Variants in TMX1 observed in about 807,000 individuals in gnomAD.
The protein encoded by TMX1 is thioredoxin related transmembrane protein 1.
Under a neutral mutation model 36.6 loss-of-function variants are expected in TMX1, and 25 were observed. That is an observed-to-expected ratio of 0.68 (90% CI 0.50 to 0.95). The LOEUF is 0.95. Among genes scored for constraint, TMX1 ranks in the 40% least tolerant of loss-of-function variants. The pLI, the probability that TMX1 is intolerant of heterozygous loss-of-function variation, is 0.00. For synonymous variants in TMX1, 133 were observed against 118.0 expected (o/e 1.13, Z -0.82); for missense variants, 347 against 339.6 (o/e 1.02, Z -0.17).
At chr14:51,242,473 A>G (rs908649347) in intron 1 of TMX1, among the ~76,000 whole-genome samples, 2 of 152,246 alleles carry the variant, frequency 1.3e-5, no homozygotes, top group Admixed American at 6.5e-5. Flanking sequence ...AACATTGAGT[A>G]TGAGGTAAAT....
chr14:51,245,616 C>T (rs766246595), intron 3 of TMX1: 125 of 778,388 alleles, frequency 1.6e-4, no homozygotes, highest in South Asian at 3.5e-5. Context: ...TGATCCTGTT[C>T]AGCGTGTTAA....
rs555524940 is a variant in TMX1, at chr14:51,248,208, A to G, written c.443+988A>G. ...ATGCTTTCTGCTTTGCTGTTGGAGT[A>G]CAAGGCCTCACTGGTCATGTGAGAG... On this transcript the variant is annotated intron_variant, in intron 4 of 7. Coordinates refer to ENST00000457354, the MANE Select transcript of TMX1 (RefSeq NM_030755.5). Among the ~76,000 whole-genome samples the G allele has an allele frequency of 9.8e-5, 15 of 152,332 alleles. No individual in the cohort carries two copies. In the South Asian group the frequency reaches 2.7e-3, roughly 27 times the overall value.
Position 51,240,297 on chromosome 14 carries a change from C to G in TMX1, c.5C>G (p.Ala2Gly). Reference protein sequence around the residue: MAPSGSLAVPLA... With the variant: MGPSGSLAVPLA... Reference sequence around the variant, plus strand: ...GTGAGGTGGGCAAGCGGCGAAATGGCGCCCTCCGGGAGTCTTGCAGTTCCC... The same window carrying G: ...GTGAGGTGGGCAAGCGGCGAAATGGGGCCCTCCGGGAGTCTTGCAGTTCCC... Residue 2 changes from alanine (A) to glycine (G), a missense_variant, in exon 1 of 8, where the codon GCG becomes GGG. Coordinates refer to ENST00000457354, the MANE Select transcript of TMX1 (RefSeq NM_030755.5). 6.2e-7 allele frequency: 1 copy of G among 1,610,240 alleles called. No homozygotes were observed. The highest frequency in any genetic ancestry group is 8.5e-7 in the Non-Finnish European group (1 of 1,179,458).
intron 4 of TMX1, among the ~76,000 whole-genome samples, chr14:51,248,003 A>G (rs1417593957): frequency 6.6e-6 from 1 of 152,256 alleles, no homozygotes; most frequent in Non-Finnish European, 1.5e-5. Flanking sequence ...CTTGATGTCA[A>G]GCGACTGAAT....
At position 51,254,495 on chromosome 14, in the gene TMX1, A is replaced by C. The variant is rs1415885766; in HGVS notation, c.819A>C (p.Pro273=). The change falls in exon 8 of 8, where the codon CCA becomes CCC. Residue 273 remains proline, a synonymous_variant. Transcript: ENST00000457354. ...QNAIRQRSLG[P]SLATDKS ...CCATAAGACAACGCTCTCTGGGTCC[A>C]TCATTGGCCACAGATAAATCCTAGT... is the stretch of plus-strand genomic sequence containing the variant. 1 of 1,600,674 alleles carries C rather than the reference A, an allele frequency of 6.2e-7. No homozygotes were observed. The highest frequency in any genetic ancestry group is 8.5e-7 in the Non-Finnish European group (1 of 1,176,764).
At chr14:51,253,512 C>T (rs1389018938) in intron 7 of TMX1, among the ~76,000 whole-genome samples, 1 of 152,198 alleles carries the variant, frequency 6.6e-6, no homozygotes, top group Admixed American at 6.5e-5. Context: ...CGGGTGTCCC[C>T]TCCCTGGCCC....
At chr14:51,247,003 A>G in intron 3 of TMX1, 89 bp from the exon 4 acceptor site, 1 of 1,187,584 alleles carries the variant, frequency 8.4e-7, no homozygotes. Context: ...GAATGTTAGA[A>G]TTGACTGTAA....
rs766998157 is a variant in TMX1, at chr14:51,249,756, T to C, written c.655T>C (p.Tyr219His). Residue 219 changes from tyrosine to histidine, a missense_variant, in exon 7 of 8, where the codon TAC (tyrosine) becomes CAC (histidine). Coordinates refer to ENST00000457354, the MANE Select transcript of TMX1 (RefSeq NM_030755.5). ...AAGGCGCAGACCACAGCCGTACCCA[T>C]ACCCTTCAAGTAAGTATATTTTAAA... Reference protein sequence around the residue: ...SKRRRPQPYPYPSKKLLSESA... With the variant: ...SKRRRPQPYPHPSKKLLSESA... 26 of 1,608,362 alleles carry C rather than the reference T, an allele frequency of 1.6e-5. No homozygotes were observed. The highest frequency in any genetic ancestry group is 2.0e-5 in the Non-Finnish European group (23 of 1,175,982).
At chr14:51,243,434 G>T (rs1324390377) in intron 1 of TMX1, among the ~76,000 whole-genome samples, 1 of 152,196 alleles carries the variant, frequency 6.6e-6, no homozygotes, top group African/African-American at 2.4e-5. Flanking sequence ...GATGGAATAT[G>T]TGCTTTCTTA....
chr14:51,254,481 C>T lies in TMX1; in HGVS notation c.805C>T (p.Arg269Cys), dbSNP rs766355722. 29 of 1,608,710 alleles carry T rather than the reference C, an allele frequency of 1.8e-5. No homozygotes were observed. The highest frequency in any genetic ancestry group is 4.5e-5 in the East Asian group (2 of 44,648). Residue 269 changes from arginine to cysteine, a missense_variant, in exon 8 of 8, where the codon CGC becomes TGC. Physicochemically the swap from Arg to Cys is radical, Grantham distance 180. Transcript: ENST00000457354. ...CTTTCCACAGAATGCCATAAGACAA[C>T]GCTCTCTGGGTCCATCATTGGCCAC... is the stretch of plus-strand genomic sequence containing the variant. The part of the protein sequence containing the change: ...KDFPQNAIRQ[R>C]SLGPSLATDK...
Position 51,249,736 on chromosome 14 carries a change from G to T in TMX1, c.635G>T (p.Arg212Leu), listed in dbSNP as rs369843771. The part of the protein sequence containing the change: ...VADCLCPSKR[R>L]RPQPYPYPSK... The stretch of plus-strand genomic sequence containing the variant: ...GATTGCCTTTGTCCTTCAAAAAGGC[G>T]CAGACCACAGCCGTACCCATACCCT... The change falls in exon 7 of 8, where the codon CGC (arginine) becomes CTC (leucine). Residue 212 changes from arginine (R) to leucine (L), a missense_variant. Arg to Leu is a moderately radical substitution (Grantham distance 102). Transcript: ENST00000457354. 7.4e-6 allele frequency: 12 copies of T among 1,613,024 alleles called. No homozygotes were observed. The highest frequency in any genetic ancestry group is 1.7e-4 in the Middle Eastern group (1 of 6,026).
At chr14:51,251,351 G>T (rs2065812281) in intron 7 of TMX1, among the ~76,000 whole-genome samples, 1 of 152,130 alleles carries the variant, frequency 6.6e-6, no homozygotes, top group African/African-American at 2.4e-5. Context: ...GTAAGGATAG[G>T]TTAGTTGTAT....
chr14:51,244,621 C>T (rs2065777155), intron 2 of TMX1, among the ~76,000 whole-genome samples: 1 of 152,138 alleles, frequency 6.6e-6, no homozygotes, highest in Admixed American at 6.5e-5. Context: ...TCTTACCGTT[C>T]TCGGTAGTCA....
Position 51,256,432 on chromosome 14 carries a change from C to T in TMX1, c.*1913C>T, listed in dbSNP as rs1390280582. ...ATCTCACGGTTCTTAAAGATTGTCA[C>T]TGTAGACATCTGAGTAATTAATTTT... On this transcript the variant is annotated 3_prime_UTR_variant, in exon 8 of 8. Coordinates refer to ENST00000457354, the MANE Select transcript of TMX1 (RefSeq NM_030755.5). The T allele has an allele frequency of 1.3e-5, 2 of 152,104 alleles. No homozygotes were observed. Among genetic ancestry groups the T allele is most frequent in the Non-Finnish European group, 2.9e-5 (2 of 68,010 alleles). 9.4% of individuals were successfully genotyped at this position (152,104 alleles called of 1,614,324 possible).
At chr14:51,240,593 G>A (rs1327028141) in intron 1 of TMX1, 149 bp downstream of exon 1, 73 of 1,190,802 alleles carry the variant, frequency 6.1e-5, no homozygotes, top group South Asian at 4.0e-4. Context: ...CCAAACTCTT[G>A]GGATCTGCCG....
chr14:51,248,219 C>A (rs990329328), intron 4 of TMX1, among the ~76,000 whole-genome samples: 1 of 152,232 alleles, frequency 6.6e-6, no homozygotes. Context: ...CAAGGCCTCA[C>A]TGGTCATGTG....
rs905192373 is a variant in TMX1 at position 51,255,509 on chromosome 14, T to C, written c.*990T>C. On this transcript the variant is annotated 3_prime_UTR_variant, in exon 8 of 8. Transcript: ENST00000457354. ...TTCAAAGAAGCTTAATATAAAAGTTTGCATTCTACTCAGGAAAAAGCATCT... is the reference window on the plus strand; with the variant it reads ...TTCAAAGAAGCTTAATATAAAAGTTCGCATTCTACTCAGGAAAAAGCATCT... 6.6e-6 allele frequency: 1 copy of C among 152,068 alleles called. No individual in the cohort carries two copies. The highest frequency in any genetic ancestry group is 1.5e-5 in the Non-Finnish European group (1 of 67,918). The allele number at this position is 152,068 out of a possible 1,614,324, so 9.4% of individuals were successfully genotyped here.
chr14:51,240,458 G>A lies in TMX1; in HGVS notation c.152+14G>A. On this transcript the variant is annotated intron_variant, in intron 1 of 7. Transcript: ENST00000457354. ...GATGATAGAATTGTGAGTGCGGGGC[G>A]GCCAGGGTCCTACGTCCGTGCCTGG... 2 of 1,612,234 alleles carry A rather than the reference G, an allele frequency of 1.2e-6. No homozygotes were observed. The highest frequency in any genetic ancestry group is 1.1e-5 in the South Asian group (1 of 91,042).
chr14:51,251,059 T>C (rs80194777), intron 7 of TMX1, among the ~76,000 whole-genome samples: 1,871 of 152,308 alleles, frequency 0.012, 27 homozygotes, highest in East Asian at 0.064. Flanking sequence ...GTGAAATGAA[T>C]ATAAAATGTT....
Sources: gnomAD v4.1 joint callset for allele counts (sites outside exome capture counted in the v4.1 genomes callset) on GRCh38, gnomAD v4.1.1 for gene constraint, MANE v1.5 for transcripts, NCBI Gene and HGNC (gene_info 2026-07-23, HGNC 2026-07-21) for gene names.